PITPNC1: variants seen among roughly 807,000 people sequenced by gnomAD.
PITPNC1 encodes cytoplasmic phosphatidylinositol transfer protein 1.
A neutral mutation model predicts 44.7 loss-of-function variants in PITPNC1; 18 were observed. That is an observed-to-expected ratio of 0.40 (90% CI 0.28 to 0.60). The LOEUF is 0.60. Among genes scored for constraint, PITPNC1 ranks in the 20% least tolerant of loss-of-function variants. The pLI is 0.39. For missense variants in PITPNC1, 290 were observed against 418.4 expected (o/e 0.69, Z 2.68); for synonymous variants, 141 against 149.6 (o/e 0.94, Z 0.42).
chr17:67,473,371 C>A (rs2144010669), intron 1 of PITPNC1, among the ~76,000 whole-genome samples: 1 of 151,898 alleles, frequency 6.6e-6, no homozygotes, highest in African/African-American at 2.4e-5. Context: ...CTCTGTCGCC[C>A]AGGCTGGAGT....
intron 1 of PITPNC1, among the ~76,000 whole-genome samples, chr17:67,386,317 C>T (rs112860823): frequency 0.032 from 4,828 of 152,250 alleles, 251 homozygotes; most frequent in African/African-American, 0.11. Context: ...CTCAGCCTCC[C>T]GACTAGCTGG....
At chr17:67,668,186 A>G (rs2042452731) in intron 6 of PITPNC1, among the ~76,000 whole-genome samples, 1 of 152,102 alleles carries the variant, frequency 6.6e-6, no homozygotes, top group Non-Finnish European at 1.5e-5. Context: ...TTTTATCACC[A>G]TACATAAAGT....
chr17:67,639,009 G>T (rs2042064634), intron 6 of PITPNC1: 2 of 152,124 alleles, frequency 1.3e-5, no homozygotes, highest in Admixed American at 1.3e-4. Flanking sequence ...TATAGTCCTA[G>T]CTACTCAGGA....
intron 1 of PITPNC1, among the ~76,000 whole-genome samples, chr17:67,451,047 T>C (rs943369680): frequency 3.9e-5 from 6 of 152,192 alleles, no homozygotes; most frequent in Non-Finnish European, 5.9e-5. Context: ...TTTCCTTTTT[T>C]TGAGACAGAG....
chr17:67,550,927 G>A (rs1381778399), intron 2 of PITPNC1, among the ~76,000 whole-genome samples: 1 of 152,106 alleles, frequency 6.6e-6, no homozygotes, highest in East Asian at 1.9e-4. Flanking sequence ...CGGGCGTGGT[G>A]GCTGGCGCCT....
chr17:67,453,295 T>C (rs959012873), intron 1 of PITPNC1, among the ~76,000 whole-genome samples: 2 of 152,226 alleles, frequency 1.3e-5, no homozygotes, highest in South Asian at 4.1e-4. Context: ...AGTATTAAAC[T>C]TGAGTGAACT....
intron 8 of PITPNC1, among the ~76,000 whole-genome samples, chr17:67,685,799 G>A (rs529707767): frequency 2.0e-5 from 3 of 152,216 alleles, no homozygotes; most frequent in Middle Eastern, 3.4e-3. Context: ...TACTGAAGGT[G>A]GATGGGTTCC....
At chr17:67,660,958 A>G (rs1262335311) in intron 6 of PITPNC1, among the ~76,000 whole-genome samples, 2 of 151,186 alleles carry the variant, frequency 1.3e-5, no homozygotes, top group African/African-American at 4.9e-5. Context: ...TCCCAGGTTC[A>G]AGCAATTCTC....
At chr17:67,687,471 A>G (rs767013823) in intron 8 of PITPNC1, among the ~76,000 whole-genome samples, 30 of 152,240 alleles carry the variant, frequency 2.0e-4, no homozygotes, top group Non-Finnish European at 3.7e-4. Flanking sequence ...GGCCTGCACC[A>G]TAAAAGAGCA....
At chr17:67,636,351 G>T (rs570786064) in intron 6 of PITPNC1, among the ~76,000 whole-genome samples, 15 of 149,744 alleles carry the variant, frequency 1.0e-4, no homozygotes, top group African/African-American at 3.7e-4. Flanking sequence ...GGGAAGCCTT[G>T]TTCTACAGGA....
intron 5 of PITPNC1, among the ~76,000 whole-genome samples, chr17:67,626,447 G>A (rs1349929989): frequency 6.6e-6 from 1 of 152,022 alleles, no homozygotes; most frequent in African/African-American, 2.4e-5. Flanking sequence ...TCAGCTCACT[G>A]CAGCCTCCAC....
chr17:67,589,062 T>A (rs2041357265), intron 5 of PITPNC1, among the ~76,000 whole-genome samples: 1 of 152,222 alleles, frequency 6.6e-6, no homozygotes, highest in African/African-American at 2.4e-5. Context: ...GGAAGGATTA[T>A]TATCTGCTTT....
intron 2 of PITPNC1, among the ~76,000 whole-genome samples, chr17:67,536,193 T>C (rs1382625092): frequency 1.3e-5 from 2 of 152,178 alleles, no homozygotes; most frequent in African/African-American, 2.4e-5. Context: ...GGGAGGGTAA[T>C]AATTACAGTA....
At chr17:67,635,435 G>T (rs1246732943) in intron 6 of PITPNC1, among the ~76,000 whole-genome samples, 2 of 152,148 alleles carry the variant, frequency 1.3e-5, no homozygotes, top group East Asian at 3.9e-4. Flanking sequence ...AAATGGGAAG[G>T]TGAGAAGAGA....
intron 1 of PITPNC1, among the ~76,000 whole-genome samples, chr17:67,414,139 T>G (rs1261967103): frequency 6.7e-6 from 1 of 149,610 alleles, no homozygotes. Context: ...TGGACTCCCA[T>G]GTACCCTCAA....
chr17:67,401,497 T>C (rs1180431834), intron 1 of PITPNC1, among the ~76,000 whole-genome samples: 1 of 152,186 alleles, frequency 6.6e-6, no homozygotes, highest in African/African-American at 2.4e-5. Context: ...TTTCTACCAC[T>C]ATAGTGACAA....
chr17:67,561,491 G>A (rs1366270014), intron 4 of PITPNC1, among the ~76,000 whole-genome samples: 1 of 151,664 alleles, frequency 6.6e-6, no homozygotes, highest in African/African-American at 2.4e-5. Context: ...TTGCCCTGAG[G>A]TCTTTGATCT....
intron 6 of PITPNC1, among the ~76,000 whole-genome samples, chr17:67,644,261 T>C (rs1468032709): frequency 6.6e-6 from 1 of 152,086 alleles, no homozygotes; most frequent in Non-Finnish European, 1.5e-5. Flanking sequence ...TGCCATGCTA[T>C]CTCTGTCTGC....
intron 6 of PITPNC1, among the ~76,000 whole-genome samples, chr17:67,664,337 A>G (rs1392273036): frequency 1.3e-5 from 2 of 152,214 alleles, no homozygotes; most frequent in Non-Finnish European, 2.9e-5. Context: ...TTCATCAGTA[A>G]TGCAGTTGCT....
Sources: allele counts gnomAD v4.1 joint callset (sites outside exome capture counted in the v4.1 genomes callset), GRCh38; gene constraint gnomAD v4.1.1; transcripts MANE v1.5; gene names NCBI Gene and HGNC (gene_info 2026-07-23, HGNC 2026-07-21).